PALM2AKAP2: variants seen among roughly 807,000 people sequenced by gnomAD.
PALM2AKAP2 encodes PALM2-AKAP2 fusion protein.
Under a neutral mutation model 71.5 loss-of-function variants are expected in PALM2AKAP2, and 37 were observed. The ratio of observed to expected loss-of-function variants is 0.52; its 90% CI spans 0.40 to 0.68. The LOEUF is 0.68. Ranked by LOEUF, PALM2AKAP2 falls within the 30% of genes least tolerant of loss-of-function variation. PALM2AKAP2 has a pLI of 0.00. For missense variants in PALM2AKAP2, 1,224 were observed against 1,191.8 expected (o/e 1.03, Z -0.40); for synonymous variants, 468 against 478.8 (o/e 0.98, Z 0.29).
chr9:109,959,561 C>T (rs1056069419), intron 6 of PALM2AKAP2, among the ~76,000 whole-genome samples: 1 of 150,096 alleles, frequency 6.7e-6, no homozygotes, highest in African/African-American at 2.5e-5. Context: ...TAGAGAATGG[C>T]ATGAACCCGG....
At chr9:109,990,898 T>C (rs1832468278) in intron 6 of PALM2AKAP2, among the ~76,000 whole-genome samples, 2 of 152,254 alleles carry the variant, frequency 1.3e-5, no homozygotes, top group Admixed American at 1.3e-4. Context: ...AGAGGCTTTT[T>C]CCGCATTTTC....
chr9:109,955,444 A>G (rs936945463), intron 6 of PALM2AKAP2, among the ~76,000 whole-genome samples: 12 of 152,238 alleles, frequency 7.9e-5, no homozygotes, highest in African/African-American at 2.9e-4. Context: ...TTTCATTCCC[A>G]GGAAAATAAA....
intron 1 of PALM2AKAP2, among the ~76,000 whole-genome samples, chr9:109,801,270 A>G (rs186679177): frequency 4.6e-5 from 7 of 152,344 alleles, no homozygotes; most frequent in Admixed American, 1.3e-4. Context: ...CCCCAGGGAT[A>G]GTGGTGAAGG....
chr9:110,013,861 A>G (rs1832926471), intron 6 of PALM2AKAP2, among the ~76,000 whole-genome samples: 1 of 152,234 alleles, frequency 6.6e-6, no homozygotes, highest in African/African-American at 2.4e-5. Flanking sequence ...GTTGATTCTT[A>G]CTAGAAATGC....
intron 1 of PALM2AKAP2, among the ~76,000 whole-genome samples, chr9:109,846,119 G>A (rs1425008613): frequency 3.3e-5 from 5 of 152,190 alleles, no homozygotes; most frequent in Admixed American, 2.6e-4. Context: ...TTGGAAGAAT[G>A]AGGAGGAAGG....
rs147106049 is a variant in PALM2AKAP2 at position 109,814,227 on chromosome 9, C to T, written c.45+33694C>T. On this transcript the variant is annotated intron_variant, in intron 1 of 9. Transcript: ENST00000302798. ...AGTGCACACTTGTACCATCATCTAA[C>T]GTCTGCATGGTTCTATTGCAGGGCT... 2.0e-4 allele frequency among the ~76,000 whole-genome samples: 30 copies of T among 152,308 alleles called. No homozygotes were observed. The East Asian group carries it at 4.8e-3, about 24-fold the overall frequency.
chr9:109,793,677 C>G (rs1052223403), intron 1 of PALM2AKAP2, among the ~76,000 whole-genome samples: 1 of 152,212 alleles, frequency 6.6e-6, no homozygotes, highest in African/African-American at 2.4e-5. Context: ...GACCAGGGAC[C>G]AGCAAACAAT....
intron 1 of PALM2AKAP2, among the ~76,000 whole-genome samples, chr9:109,818,938 T>C (rs1827918836): frequency 6.6e-6 from 1 of 152,236 alleles, no homozygotes; most frequent in Non-Finnish European, 1.5e-5. Flanking sequence ...AATGACCATG[T>C]AGGTTACAAG....
At chr9:109,920,289 T>A (rs1311917260) in intron 3 of PALM2AKAP2, among the ~76,000 whole-genome samples, 1 of 152,088 alleles carries the variant, frequency 6.6e-6, no homozygotes, top group Non-Finnish European at 1.5e-5. Flanking sequence ...TGGTCAAGAT[T>A]GACATCAGTG....
chr9:110,028,307 T>C (rs1356307493), intron 7 of PALM2AKAP2, among the ~76,000 whole-genome samples: 2 of 152,256 alleles, frequency 1.3e-5, no homozygotes, highest in Non-Finnish European at 2.9e-5. Context: ...TTCAATAATC[T>C]ATGTGTAGAT....
chr9:109,960,620 G>GA (rs879525630), intron 6 of PALM2AKAP2, among the ~76,000 whole-genome samples: 5 of 151,746 alleles, frequency 3.3e-5, no homozygotes, highest in African/African-American at 7.3e-5. Flanking sequence ...TCTTTAAAAA[G>GA]AAAAAAAAGA....
At chr9:110,157,754 T>G (rs1043167903) in intron 3 of PALM2AKAP2, among the ~76,000 whole-genome samples, 3 of 152,182 alleles carry the variant, frequency 2.0e-5, no homozygotes, top group Non-Finnish European at 4.4e-5. Context: ...CTGGTCACCT[T>G]AAACTTGAAT....
At position 109,769,728 on chromosome 9, in the gene PALM2AKAP2, A is replaced by G. The variant is rs190603353; in HGVS notation, c.6-10760A>G. Reference sequence around the variant, plus strand: ...GAGGGTGATGTGGACAAACCGTTTTATTATTCTGTTTCAACATAGTGCTAT... The same window carrying G: ...GAGGGTGATGTGGACAAACCGTTTTGTTATTCTGTTTCAACATAGTGCTAT... On this transcript the variant is annotated intron_variant, in intron 1 of 6. Transcript: ENST00000374531. Among the ~76,000 whole-genome samples, 438 of 152,264 alleles carry G rather than the reference A, an allele frequency of 2.9e-3. 2 individuals are homozygous for G. The highest frequency in any genetic ancestry group is 0.021 in the South Asian group (100 of 4,822).
chr9:109,849,807 GGA>G (rs1178154705), intron 1 of PALM2AKAP2, among the ~76,000 whole-genome samples: 1 of 151,708 alleles, frequency 6.6e-6, no homozygotes, highest in Admixed American at 6.6e-5. Context: ...GAGAGAGAGA[GGA>G]GAGAGAGAGA....
chr9:109,777,821 T>C (rs1044087248), upstream of PALM2AKAP2, among the ~76,000 whole-genome samples: 2 of 152,184 alleles, frequency 1.3e-5, no homozygotes, highest in African/African-American at 4.8e-5. Flanking sequence ...TGATACTTTA[T>C]CAGTCTTCTT....
chr9:109,852,502 G>A (rs538502092), intron 1 of PALM2AKAP2, among the ~76,000 whole-genome samples: 2 of 152,278 alleles, frequency 1.3e-5, no homozygotes, highest in East Asian at 1.9e-4. Context: ...ATGAACATAC[G>A]AGTACATGCC....
At chr9:110,051,331 G>A (rs536726831) in intron 1 of PALM2AKAP2, among the ~76,000 whole-genome samples, 1 of 152,258 alleles carries the variant, frequency 6.6e-6, no homozygotes, top group Admixed American at 6.5e-5. Flanking sequence ...GTCAAATGAA[G>A]GGAGAATGAA....
intron 1 of PALM2AKAP2, among the ~76,000 whole-genome samples, chr9:110,075,390 A>G (rs971500133): frequency 1.3e-4 from 20 of 152,246 alleles, no homozygotes; most frequent in African/African-American, 4.8e-4. Context: ...AAAAACATAT[A>G]ATTTCCCTCT....
chr9:109,872,027 A>G (rs1431334236), intron 2 of PALM2AKAP2, among the ~76,000 whole-genome samples: 1 of 152,148 alleles, frequency 6.6e-6, no homozygotes, highest in Non-Finnish European at 1.5e-5. Context: ...ACTGATTTAA[A>G]TGTCTTCTTT....
Sources: gnomAD v4.1 joint callset for allele counts (sites outside exome capture counted in the v4.1 genomes callset) on GRCh38, gnomAD v4.1.1 for gene constraint, MANE v1.5 for transcripts, NCBI Gene and HGNC (gene_info 2026-07-23, HGNC 2026-07-21) for gene names.